The following DCAF12 variants were observed in gnomAD, a reference collection of about 807,000 sequenced individuals.
The protein encoded by DCAF12 is DDB1 and CUL4 associated factor 12.
In DCAF12, 28 loss-of-function variants were observed where a neutral mutation model predicts 52.8. The ratio of observed to expected loss-of-function variants is 0.53; its 90% CI spans 0.39 to 0.73. DCAF12 has a LOEUF of 0.73. Among genes scored for constraint, DCAF12 ranks in the 30% least tolerant of loss-of-function variants. The pLI is 0.00. For missense variants in DCAF12, 425 were observed against 552.2 expected, an observed-to-expected ratio of 0.77 and a Z score of 2.31; for synonymous variants, 196 against 215.5, an observed-to-expected ratio of 0.91 and a Z score of 0.79.
Position 34,125,287 on chromosome 9 carries a change from C to T in DCAF12, c.79-10G>A. The stretch of plus-strand genomic sequence containing the variant: ...AGTGATCCCAGCCAAACTGTGGAAA[C>T]AACATTAGAAATCAGGGCTTTGGCT... On this transcript the variant is annotated splice_polypyrimidine_tract_variant and intron_variant, in intron 1 of 8. Coordinates refer to ENST00000361264, the MANE Select transcript of DCAF12 (RefSeq NM_015397.4). The T allele has an allele frequency of 6.2e-7, 1 of 1,613,196 alleles. No homozygotes were observed. Among genetic ancestry groups the T allele is most frequent in the South Asian group, 1.1e-5 (1 of 91,002 alleles).
intron 2 of DCAF12, among the ~76,000 whole-genome samples, chr9:34,114,766 T>C (rs1829059095): frequency 6.6e-6 from 1 of 151,898 alleles, no homozygotes; most frequent in African/African-American, 2.4e-5. Flanking sequence ...TTCATGTGTA[T>C]CTAGACAAAT....
At chr9:34,094,916 T>A (rs993719146) in intron 6 of DCAF12, among the ~76,000 whole-genome samples, 4 of 152,180 alleles carry the variant, frequency 2.6e-5, no homozygotes, top group Non-Finnish European at 5.9e-5. Context: ...ATGTTTCATA[T>A]ACATCTTATA....
chr9:34,115,146 T>C (rs964663136), intron 2 of DCAF12, among the ~76,000 whole-genome samples: 2 of 151,946 alleles, frequency 1.3e-5, no homozygotes, highest in Non-Finnish European at 2.9e-5. Flanking sequence ...AACCTAAGTC[T>C]GTGGAGAGGT....
At chr9:34,116,617 G>A (rs1829091733) in intron 2 of DCAF12, among the ~76,000 whole-genome samples, 1 of 152,032 alleles carries the variant, frequency 6.6e-6, no homozygotes, top group Non-Finnish European at 1.5e-5. Flanking sequence ...GGAGGTTGTA[G>A]TGAGCCAAGA....
intron 4 of DCAF12, among the ~76,000 whole-genome samples, chr9:34,098,766 T>TTAG (rs902531101): frequency 6.6e-6 from 1 of 152,178 alleles, no homozygotes; most frequent in African/African-American, 2.4e-5. Flanking sequence ...TGAAATTTAT[T>TTAG]TATTATTATT....
intron 2 of DCAF12, among the ~76,000 whole-genome samples, chr9:34,122,215 C>G (rs893683734): frequency 1.3e-5 from 2 of 152,132 alleles, no homozygotes; most frequent in Non-Finnish European, 2.9e-5. Context: ...CCAGAAAGTA[C>G]ACATATAATC....
At chr9:34,112,233 AC>A (rs1829015252) in intron 2 of DCAF12, among the ~76,000 whole-genome samples, 1 of 151,756 alleles carries the variant, frequency 6.6e-6, no homozygotes, top group South Asian at 2.1e-4. Context: ...ATCCAATAAT[AC>A]TTTCTGTTCT....
rs185206175 is a variant in DCAF12, at chr9:34,115,512, T to G, written c.334-7947A>C. ...TACTTGGGAGGCTGAGGCAGGAGAA[T>G]TACTTGAACCCGGTAGGCGGAGGTT... On this transcript the variant is annotated intron_variant, in intron 2 of 8. Transcript: ENST00000361264. Among the ~76,000 whole-genome samples, 283 of 143,104 alleles carry G rather than the reference T, an allele frequency of 2.0e-3. 2 individuals carry two copies. Among genetic ancestry groups the G allele is most frequent in the Non-Finnish European group, 3.9e-3 (254 of 65,620 alleles). 93.9% of individuals were successfully genotyped at this position (143,104 alleles called of 152,430 possible).
intron 2 of DCAF12, among the ~76,000 whole-genome samples, chr9:34,111,084 C>G (rs1350234709): frequency 1.3e-5 from 2 of 148,542 alleles, no homozygotes; most frequent in African/African-American, 2.5e-5. Context: ...CTCCTGGGTT[C>G]AAGCAATTCT....
intron 2 of DCAF12, among the ~76,000 whole-genome samples, chr9:34,113,072 TAC>T (rs1332969378): frequency 6.6e-6 from 1 of 152,040 alleles, no homozygotes; most frequent in East Asian, 1.9e-4. Context: ...TTTTTTGAGA[TAC>T]AGTCTCATTC....
chr9:34,097,397 G>A (rs1248951489), intron 5 of DCAF12, among the ~76,000 whole-genome samples: 1 of 151,366 alleles, frequency 6.6e-6, no homozygotes, highest in Non-Finnish European at 1.5e-5. Context: ...TGGGAATACA[G>A]GCATATGCCA....
intron 4 of DCAF12, among the ~76,000 whole-genome samples, chr9:34,099,592 C>CTT (rs139424801): frequency 6.6e-6 from 1 of 150,520 alleles, no homozygotes; most frequent in Non-Finnish European, 1.5e-5. Flanking sequence ...TTTTATTTTT[C>CTT]TTTTTTTTCC....
At chr9:34,110,848 C>A (rs10971920) in intron 2 of DCAF12, among the ~76,000 whole-genome samples, 2 of 151,968 alleles carry the variant, frequency 1.3e-5, no homozygotes, top group Non-Finnish European at 2.9e-5. Context: ...CTATCATCAC[C>A]TCTTGCCATG....
intron 4 of DCAF12, among the ~76,000 whole-genome samples, chr9:34,100,075 G>A (rs1564096186): frequency 6.6e-6 from 1 of 151,616 alleles, no homozygotes; most frequent in East Asian, 1.9e-4. Flanking sequence ...TGGGGCCCAG[G>A]GTAGACAGGG....
chr9:34,108,984 T>TA (rs1828952913), intron 2 of DCAF12, among the ~76,000 whole-genome samples: 2 of 140,712 alleles, frequency 1.4e-5, no homozygotes, highest in African/African-American at 5.3e-5. Flanking sequence ...GTATATGTTT[T>TA]TATATATATA....
chr9:34,089,687 A>T (rs1181261866), intron 7 of DCAF12, 97 bp from the exon 8 acceptor site: 3 of 1,224,402 alleles, frequency 2.5e-6, no homozygotes, highest in Non-Finnish European at 3.3e-6. Flanking sequence ...TTCAACGTCC[A>T]CCCTGCTCCC....
In DCAF12 at chr9:34,095,083, C is replaced by CA. The variant is rs1268611040; in HGVS notation, c.861+1632_861+1633insT. On this transcript the variant is annotated intron_variant, in intron 6 of 8. Transcript: ENST00000361264. ...CTCAAAAAGTTTTGGACTTTGGAGG[C>CA]TTTTTTTTTTGAGAGAGAGTCTTGC... Among the ~76,000 whole-genome samples, 4 of 148,092 alleles carry CA rather than the reference C, an allele frequency of 2.7e-5. No individual in the cohort carries two copies. In the East Asian group the frequency reaches 7.8e-4, roughly 29 times the overall value.
chr9:34,113,701 C>A (rs1183055815), intron 2 of DCAF12, among the ~76,000 whole-genome samples: 1 of 152,120 alleles, frequency 6.6e-6, no homozygotes, highest in East Asian at 1.9e-4. Context: ...CAGGCCTTAC[C>A]CTAAAACTCT....
At chr9:34,114,172 C>A (rs1215043361) in intron 2 of DCAF12, among the ~76,000 whole-genome samples, 2 of 152,066 alleles carry the variant, frequency 1.3e-5, no homozygotes, top group African/African-American at 4.8e-5. Context: ...AGAATGAAAT[C>A]CTTTGGACAA....
Sources: allele counts gnomAD v4.1 joint callset (sites outside exome capture counted in the v4.1 genomes callset), GRCh38; gene constraint gnomAD v4.1.1; transcripts MANE v1.5; gene names NCBI Gene and HGNC (gene_info 2026-07-23, HGNC 2026-07-21).